TBC1D9: variants seen among roughly 807,000 people sequenced by gnomAD.
TBC1D9 encodes the protein TBC1 domain family member 9A.
In TBC1D9, 63 loss-of-function variants were observed where a neutral mutation model predicts 132.0. The observed-to-expected ratio is 0.48, with a 90% CI of 0.39 to 0.59. TBC1D9 has a LOEUF of 0.59. TBC1D9 is among the 20% of genes least tolerant of loss of function. The pLI is 0.00. For missense variants in TBC1D9, 1,261 were observed against 1,592.7 expected (o/e 0.79, Z 3.54); for synonymous variants, 610 against 609.9 (o/e 1.00, Z 0.00).
At chr4:140,623,950 T>C (rs377577187) in intron 20 of TBC1D9, among the ~76,000 whole-genome samples, 166 bp downstream of exon 20, 1 of 152,200 alleles carries the variant, frequency 6.6e-6, no homozygotes, top group African/African-American at 2.4e-5. Flanking sequence ...TGGAGCATAT[T>C]TTTGATGCAT....
At chr4:140,676,198 C>T (rs529098267) in intron 6 of TBC1D9, among the ~76,000 whole-genome samples, 4 of 152,334 alleles carry the variant, frequency 2.6e-5, no homozygotes, top group East Asian at 3.9e-4. Context: ...ATCTTGCCCA[C>T]ATTTTCTTTC....
At chr4:140,645,522 G>T in intron 13 of TBC1D9, 1 of 358,822 alleles carries the variant, frequency 2.8e-6, no homozygotes, top group Non-Finnish European at 5.4e-6. Context: ...CCTCTCTTGC[G>T]AGAGCCTCTA....
Position 140,719,143 on chromosome 4 carries a change from T to C in TBC1D9, c.131-17529A>G, listed in dbSNP as rs574911082. Among the ~76,000 whole-genome samples the C allele has an allele frequency of 3.3e-5, 5 of 149,348 alleles. No individual in the cohort carries two copies. The South Asian group carries it at 6.3e-4, about 19-fold the overall frequency. The stretch of plus-strand genomic sequence containing the variant: ...ATAAATAAATAAATAAATAAATAAA[T>C]AAATAAATAAATAAATAAAAGAAAG... On this transcript the variant is annotated intron_variant, in intron 1 of 20. Coordinates refer to ENST00000442267, the MANE Select transcript of TBC1D9 (RefSeq NM_015130.3).
intron 13 of TBC1D9, chr4:140,641,996 A>T: frequency 1.7e-6 from 1 of 602,126 alleles, no homozygotes; most frequent in South Asian, 1.9e-5. Context: ...CTGAAGGAGG[A>T]ATGCACCTTA....
rs757189885 is a variant in TBC1D9, at chr4:140,686,319, A to C, written c.360+25T>G. The C allele has an allele frequency of 2.3e-5, 29 of 1,276,972 alleles. No individual in the cohort carries two copies. The South Asian group carries it at 3.7e-4, about 16-fold the overall frequency. The allele number at this position is 1,276,972 out of a possible 1,614,324, so 79.1% of individuals were successfully genotyped here. On this transcript the variant is annotated intron_variant, in intron 3 of 20. Coordinates refer to ENST00000442267, the MANE Select transcript of TBC1D9 (RefSeq NM_015130.3). ...GTAAATTTGAAATTATTTCCAATTA[A>C]AATGTTTTTCTTTTATCCCACTACC...
chr4:140,709,248 T>TCTCTCACACACA lies in TBC1D9; in HGVS notation c.131-7635_131-7634insTGTGTGTGAGAG, dbSNP rs1382500714. 2.6e-3 allele frequency among the ~76,000 whole-genome samples: 266 copies of TCTCTCACACACA among 104,188 alleles called. 3 individuals are homozygous for TCTCTCACACACA. The highest frequency in any genetic ancestry group is 0.011 in the African/African-American group (256 of 22,690). 68.4% of individuals were successfully genotyped at this position (104,188 alleles called of 152,430 possible). On this transcript the variant is annotated intron_variant, in intron 1 of 20. Coordinates refer to ENST00000442267, the MANE Select transcript of TBC1D9 (RefSeq NM_015130.3). Reference sequence around the variant, plus strand: ...CTCTCTCTCTCTCTCTCTCTCTCTCTCACACACACACACACACACACACAC... The same window carrying TCTCTCACACACA: ...CTCTCTCTCTCTCTCTCTCTCTCTCTCTCTCACACACACACACACACACACACACACACACAC...
At chr4:140,719,254 C>T (rs1738386926) in intron 1 of TBC1D9, among the ~76,000 whole-genome samples, 1 of 152,162 alleles carries the variant, frequency 6.6e-6, no homozygotes, top group Non-Finnish European at 1.5e-5. Flanking sequence ...TTTCCTGCCA[C>T]TACATCAGGG....
chr4:140,738,118 A>G (rs1738704436), intron 1 of TBC1D9, among the ~76,000 whole-genome samples: 1 of 152,246 alleles, frequency 6.6e-6, no homozygotes, highest in Admixed American at 6.5e-5. Flanking sequence ...AATTACATTA[A>G]TGAAAATCAA....
rs1208066267 is a variant in TBC1D9 at position 140,670,806 on chromosome 4, T to C, written c.1180A>G (p.Arg394Gly). The C allele has an allele frequency of 6.2e-7, 1 of 1,614,028 alleles. No individual in the cohort carries two copies. Among genetic ancestry groups the C allele is most frequent in the South Asian group, 1.1e-5 (1 of 91,086 alleles). ...NLKDRDFLVQ[R>G]ISDFLQQTTS... ...GTCTGTTGCAGGAAATCTGAGATCC[T>C]CTGCACTAGAAAGTCTCTATCTTTC... Residue 394 changes from arginine (R) to glycine (G), a missense_variant, in exon 7 of 21, where the codon AGG (arginine) becomes GGG (glycine). Arg to Gly is a moderately radical substitution (Grantham distance 125, BLOSUM62 -2). Around this residue, in one of 3 missense-constraint regions of TBC1D9, gnomAD observed 550 missense variants for 699.0 expected, o/e 0.79. Coordinates refer to ENST00000442267, the MANE Select transcript of TBC1D9 (RefSeq NM_015130.3).
intron 3 of TBC1D9, 76 bp from the exon 4 acceptor site, chr4:140,679,919 T>A (rs1192613144): frequency 9.3e-6 from 12 of 1,291,284 alleles, no homozygotes; most frequent in African/African-American, 1.5e-5. Flanking sequence ...GAAGAAAAAA[T>A]TTCTAAGGCT....
At chr4:140,705,512 ATGTGTG>A (rs139885350) in intron 1 of TBC1D9, among the ~76,000 whole-genome samples, 69 of 142,180 alleles carry the variant, frequency 4.9e-4, no homozygotes, top group East Asian at 1.4e-3. Context: ...GGGTGTGTGC[ATGTGTG>A]TGTGTGTGTG....
chr4:140,646,468 C>CT, intron 13 of TBC1D9, among the ~76,000 whole-genome samples: 1 of 152,238 alleles, frequency 6.6e-6, no homozygotes, highest in African/African-American at 2.4e-5. Context: ...ACAATGAATA[C>CT]TTTTTTACTA....
intron 18 of TBC1D9, among the ~76,000 whole-genome samples, chr4:140,625,118 C>T (rs1736684917): frequency 6.6e-6 from 1 of 152,022 alleles, no homozygotes; most frequent in Non-Finnish European, 1.5e-5. Context: ...GTAGTGCTTG[C>T]CCCAATGAAT....
intron 9 of TBC1D9, among the ~76,000 whole-genome samples, chr4:140,666,734 T>TAAAAAA (rs35117175): frequency 7.6e-5 from 11 of 145,568 alleles, no homozygotes; most frequent in South Asian, 2.2e-4. Context: ...GTGAATATAC[T>TAAAAAA]AAAAAAAAAA....
In TBC1D9 at chr4:140,627,629, T is replaced by C; in HGVS notation, c.2813-102A>G. On this transcript the variant is annotated intron_variant, in intron 17 of 20. Transcript: ENST00000442267. ...AATGACATAAGTGGGGATGAAAAGCTAAAGTTACAAAGGTGGGATGGGGCC... is the reference window on the plus strand; with the variant it reads ...AATGACATAAGTGGGGATGAAAAGCCAAAGTTACAAAGGTGGGATGGGGCC... 10 of 797,412 alleles carry C rather than the reference T, an allele frequency of 1.3e-5. No individual in the cohort carries two copies. The Middle Eastern group carries it at 1.2e-3, about 94-fold the overall frequency. The allele number at this position is 797,412 out of a possible 1,614,324, so 49.4% of individuals were successfully genotyped here.
At chr4:140,749,440 T>A (rs1253298894) in intron 1 of TBC1D9, among the ~76,000 whole-genome samples, 1 of 152,050 alleles carries the variant, frequency 6.6e-6, no homozygotes, top group East Asian at 1.9e-4. Flanking sequence ...TATAAAGCAC[T>A]TAATAAAAGA....
chr4:140,641,001 A>G lies in TBC1D9; in HGVS notation c.2338-1573T>C, dbSNP rs1355069287. On this transcript the variant is annotated intron_variant, in intron 13 of 20. Coordinates refer to ENST00000442267, the MANE Select transcript of TBC1D9 (RefSeq NM_015130.3). ...ACTCAAATGCTCATGCACAGAATGG[A>G]TAAAGAAATGGCAATATCATCACAT... is the stretch of plus-strand genomic sequence containing the variant. 6.0e-5 allele frequency among the ~76,000 whole-genome samples: 9 copies of G among 151,126 alleles called. No homozygotes were observed. In the South Asian group the frequency reaches 1.7e-3, roughly 28 times the overall value.
Position 140,735,521 on chromosome 4 carries a change from G to A in TBC1D9, c.130+20395C>T, listed in dbSNP as rs1738659366. Among the ~76,000 whole-genome samples, 5 of 152,074 alleles carry A rather than the reference G, an allele frequency of 3.3e-5. No homozygotes were observed. In the South Asian group the frequency reaches 1.0e-3, roughly 32 times the overall value. On this transcript the variant is annotated intron_variant, in intron 1 of 20. Transcript: ENST00000442267. ...AAGCACAAGAGTTGGAGACTAGCCT[G>A]GGCAACATAGTGAGACCCATCTCTA...
At chr4:140,656,656 A>G (rs1560875464) in intron 13 of TBC1D9, among the ~76,000 whole-genome samples, 2 of 152,216 alleles carry the variant, frequency 1.3e-5, no homozygotes, top group African/African-American at 4.8e-5. Flanking sequence ...CTTGCAATGT[A>G]CTTTCATGCT....
Sources: allele counts gnomAD v4.1 joint callset (sites outside exome capture counted in the v4.1 genomes callset), GRCh38; gene constraint gnomAD v4.1.1; regional missense constraint gnomAD v4.1.1; transcripts MANE v1.5; gene names NCBI Gene and HGNC (gene_info 2026-07-23, HGNC 2026-07-21).